The following MYBPH variants were observed in gnomAD, a reference collection of about 807,000 sequenced individuals.
MYBPH encodes the protein myosin binding protein H, also known as myosin-binding protein H.
MYBPH carries 49 observed loss-of-function variants against 53.6 expected under a neutral mutation model. That is an observed-to-expected ratio of 0.91 (90% CI 0.73 to 1.16). The LOEUF (loss-of-function observed/expected upper bound fraction) is 1.16, where lower values mean the gene tolerates loss of function less well. Ranked by LOEUF, MYBPH falls within the 50% of genes most tolerant of loss-of-function variation. The pLI, the probability that MYBPH is intolerant of heterozygous loss-of-function variation, is 0.00. For missense variants in MYBPH, 558 were observed against 624.1 expected (o/e 0.89, Z 1.13); for synonymous variants, 239 against 249.6 (o/e 0.96, Z 0.40).
chr1:203,179,132 TG>T (rs540660421), upstream of MYBPH: 104 of 233,908 alleles, frequency 4.4e-4, 1 homozygote, highest in African/African-American at 2.3e-3. Context: ...TAAGGAGGGC[TG>T]GGGGGCAGGG....
Position 203,171,647 on chromosome 1 carries a change from G to A in MYBPH, c.598-69C>T. 2 of 1,428,480 alleles carry A rather than the reference G, an allele frequency of 1.4e-6. No homozygotes were observed. The highest frequency in any genetic ancestry group is 2.7e-5 in the South Asian group (2 of 74,140). The allele number at this position is 1,428,480 out of a possible 1,614,324, so 88.5% of individuals were successfully genotyped here. On this transcript the variant is annotated intron_variant, in intron 4 of 10. Transcript: ENST00000255416. The surrounding 1 kb of genome is among the most constrained non-coding windows in gnomAD (Gnocchi z 4.2). Reference sequence around the variant, plus strand: ...AGTCCCCACACCTCCTTAACTCCAGGAGTCTCTGGAGCTGTTCTCGGGGAA... The same window carrying A: ...AGTCCCCACACCTCCTTAACTCCAGAAGTCTCTGGAGCTGTTCTCGGGGAA...
At chr1:203,173,165 G>A (rs564940316) in intron 3 of MYBPH, among the ~76,000 whole-genome samples, 1 of 152,342 alleles carries the variant, frequency 6.6e-6, no homozygotes, top group African/African-American at 2.4e-5. Context: ...AGAAGTGGGT[G>A]CTGAGTCTGG....
chr1:203,168,740 A>C, intron 9 of MYBPH, 65 bp from the exon 10 acceptor site: 1 of 1,606,556 alleles, frequency 6.2e-7, no homozygotes, highest in Non-Finnish European at 8.5e-7. Flanking sequence ...TCACGGTTAT[A>C]CACCCTCTTC....
chr1:203,175,487 C>A (rs768362686), intron 1 of MYBPH, 26 bp from the exon 2 acceptor site: 15 of 1,608,238 alleles, frequency 9.3e-6, no homozygotes, highest in Middle Eastern at 1.7e-4. Context: ...GGTTCATGGC[C>A]AAGAGCTCCC....
Position 203,175,665 on chromosome 1 carries a change from CG to C in MYBPH, c.90del (p.Gly31GlufsTer47). The C allele has an allele frequency of 6.2e-7, 1 of 1,614,136 alleles. No homozygotes were observed. The highest frequency in any genetic ancestry group is 1.1e-5 in the South Asian group (1 of 91,082). On this transcript the variant is annotated frameshift_variant, in exon 1 of 11. Transcript: ENST00000255416. LOFTEE classifies it high-confidence loss of function. ...ESAKVPTAEPPGEVAVSESTR... is the reference protein window; with the variant it reads ...ESAKVPTAEPXGEVAVSESTR... Reference sequence around the variant, plus strand: ...GTGGACTCTGATACTGCCACTTCTCCGGGAGGCTCTGCTGTGGGCACCTTGG... The same window carrying C: ...GTGGACTCTGATACTGCCACTTCTCCGGAGGCTCTGCTGTGGGCACCTTGG...
chr1:203,169,752 C>T (rs530939641), intron 7 of MYBPH, among the ~76,000 whole-genome samples: 2 of 152,290 alleles, frequency 1.3e-5, no homozygotes, highest in African/African-American at 2.4e-5. Context: ...AGTTTGCCTT[C>T]TGGAACCCAC....
intron 7 of MYBPH, 89 bp downstream of exon 7, chr1:203,170,202 A>G: frequency 6.6e-7 from 1 of 1,522,714 alleles, no homozygotes; most frequent in East Asian, 2.3e-5. Context: ...GACGCCCAGG[A>G]GAAACCCAGA....
Position 203,171,707 on chromosome 1 carries a change from A to G in MYBPH, c.598-129T>C. 9.6e-7 allele frequency: 1 copy of G among 1,037,836 alleles called. No homozygotes were observed. The highest frequency in any genetic ancestry group is 1.4e-6 in the Non-Finnish European group (1 of 738,014). 64.3% of individuals were successfully genotyped at this position (1,037,836 alleles called of 1,614,324 possible). A position where few individuals can be genotyped will look rare whatever the true frequency, so the allele number is the denominator to read the frequency against. On this transcript the variant is annotated intron_variant, in intron 4 of 10. Coordinates refer to ENST00000255416, the MANE Select transcript of MYBPH (RefSeq NM_004997.3). The surrounding 1 kb of genome is among the most constrained non-coding windows in gnomAD (Gnocchi z 4.2). ...ACTGGCCCTTCTCAGGAGGGGCAGC[A>G]GAGGCTGGAGCCACAGGTGCTGCCC... is the stretch of plus-strand genomic sequence containing the variant.
intron 6 of MYBPH, 141 bp downstream of exon 6, chr1:203,170,920 G>C (rs1186156181): frequency 8.6e-7 from 1 of 1,164,340 alleles, no homozygotes; most frequent in Admixed American, 2.6e-5. Flanking sequence ...GTCTTGCTAA[G>C]GGCCTCCTAG....
upstream of MYBPH, among the ~76,000 whole-genome samples, chr1:203,177,396 A>G (rs3753470): frequency 2.0e-5 from 3 of 152,352 alleles, no homozygotes; most frequent in East Asian, 5.8e-4. Context: ...CTCACAATTT[A>G]AAAATAAGTA....
chr1:203,169,439 G>A, intron 7 of MYBPH, 50 bp from the exon 8 acceptor site: 2 of 1,548,974 alleles, frequency 1.3e-6, no homozygotes, highest in Non-Finnish European at 1.7e-6. Context: ...AGGAGTGAGG[G>A]AGACCTGTCA....
chr1:203,169,019 C>T lies in MYBPH; in HGVS notation c.1304G>A (p.Gly435Asp). ...NPKYRALSEQ[G>D]VCTLEIRKPS... ...TTTCCGGATCTCTAGGGTGCAGACG[C>T]CTTGCTCAGAGAGGGCGCGGTATTT... Residue 435 changes from glycine to aspartate, a missense_variant, in exon 9 of 11, where the codon GGC becomes GAC. By Grantham distance (94) the Gly-to-Asp change is moderately conservative. Coordinates refer to ENST00000255416, the MANE Select transcript of MYBPH (RefSeq NM_004997.3). 6.2e-7 allele frequency: 1 copy of T among 1,613,726 alleles called. No homozygotes were observed.
At position 203,175,426 on chromosome 1, in the gene MYBPH, CA is replaced by C; in HGVS notation, c.240del (p.Asp80GlufsTer3). 1 of 1,562,856 alleles carries C rather than the reference CA, an allele frequency of 6.4e-7. No individual in the cohort carries two copies. Among genetic ancestry groups the C allele is most frequent in the Non-Finnish European group, 8.7e-7 (1 of 1,153,460 alleles). On this transcript the variant is annotated frameshift_variant, in exon 2 of 11. Coordinates refer to ENST00000255416, the MANE Select transcript of MYBPH (RefSeq NM_004997.3). LOFTEE classifies it high-confidence loss of function. ...VPSAPLLLTL[D>X]DVSSSSVTVS... ...ACAGTCACAGAGCTGCTGCTCACAT[CA>C]TCCAGGGTCAGCAGCAGTGGGGCAC...
At chr1:203,176,808 GT>G (rs767396867), upstream of MYBPH, among the ~76,000 whole-genome samples, 63 of 152,142 alleles carry the variant, frequency 4.1e-4, no homozygotes, top group Non-Finnish European at 7.5e-4. Context: ...AAATGTGAGA[GT>G]TTTACTAGTG....
Position 203,169,358 on chromosome 1 carries a change from C to T in MYBPH, c.1125G>A (p.Glu375=). 1 of 1,596,080 alleles carries T rather than the reference C, an allele frequency of 6.3e-7. No individual in the cohort carries two copies. ...ATGAGGGGGCTTCTGAGAAGTCTCG[C>T]TCAATAAACCCTTTAGGTTTGGCAG... is the stretch of plus-strand genomic sequence containing the variant. ...DIAAKPKGFI[E]RDFSEAPSFT... Residue 375 remains glutamate, a synonymous_variant, in exon 8 of 11, where the codon GAG becomes GAA. Transcript: ENST00000255416.
chr1:203,169,933 C>T (rs1476092885), intron 7 of MYBPH, among the ~76,000 whole-genome samples: 2 of 152,222 alleles, frequency 1.3e-5, no homozygotes, highest in Non-Finnish European at 2.9e-5. Context: ...TGTTTTAGCA[C>T]ACTACCCAGC....
chr1:203,179,166 G>T (rs141536984), upstream of MYBPH: 146 of 288,448 alleles, frequency 5.1e-4, no homozygotes, highest in African/African-American at 3.1e-3. Context: ...TCCCTTGCCA[G>T]GCTTGGGGAT....
At position 203,175,789 on chromosome 1, in the gene MYBPH, G is replaced by A. The variant is rs776929733; in HGVS notation, c.-34C>T. On this transcript the variant is annotated 5_prime_UTR_variant, in exon 1 of 11. Transcript: ENST00000255416. The stretch of plus-strand genomic sequence containing the variant: ...TGGCTGGGGGGCCAGGGTGGAGTGT[G>A]CAGGGGTCAGCCGTTGGGGGGCCTG... The A allele has an allele frequency of 4.4e-6, 7 of 1,608,742 alleles. No homozygotes were observed. The African/African-American group carries it at 9.4e-5, about 22-fold the overall frequency.
chr1:203,169,113 A>T (rs770515160), intron 8 of MYBPH, 21 bp from the exon 9 acceptor site: 1 of 1,612,484 alleles, frequency 6.2e-7, no homozygotes, highest in Non-Finnish European at 8.5e-7. Context: ...TGGTCAGAAG[A>T]GAGCTGGGGA....
Sources: gnomAD v4.1 joint callset for allele counts (sites outside exome capture counted in the v4.1 genomes callset) on GRCh38, gnomAD v4.1.1 for gene constraint, Gnocchi (gnomAD v3.1) non-coding constraint, MANE v1.5 for transcripts, NCBI Gene and HGNC (gene_info 2026-07-23, HGNC 2026-07-21) for gene names.